Variants in LSAMP observed in about 807,000 individuals in gnomAD.
LSAMP encodes the protein limbic system-associated membrane protein.
In LSAMP, 7 loss-of-function variants were observed where a neutral mutation model predicts 38.6. That is an observed-to-expected ratio of 0.18 (90% confidence interval 0.10 to 0.34). The LOEUF is 0.34. Ranked by LOEUF, LSAMP falls within the 10% of genes least tolerant of loss-of-function variation. The probability of loss-of-function intolerance (pLI) is 1.00; values close to 1 mark genes in which losing one functional copy is unlikely to be tolerated. For synonymous variants in LSAMP, 154 were observed against 166.8 expected (o/e 0.92, Z 0.59); for missense variants, 313 against 420.0 (o/e 0.75, Z 2.23).
intron 1 of LSAMP, among the ~76,000 whole-genome samples, chr3:116,370,355 C>T (rs13324928): frequency 6.6e-6 from 1 of 152,102 alleles, no homozygotes; most frequent in Non-Finnish European, 1.5e-5. Context: ...GAAGGAAGCA[C>T]CAGAAATCTG....
intron 1 of LSAMP, among the ~76,000 whole-genome samples, chr3:116,208,266 A>C (rs1426135532): frequency 6.7e-6 from 1 of 150,350 alleles, no homozygotes; most frequent in African/African-American, 2.4e-5. Flanking sequence ...TCCTTTAAGC[A>C]CTTCTCTGTA....
intron 1 of LSAMP, among the ~76,000 whole-genome samples, chr3:116,321,381 A>G (rs1298316229): frequency 1.3e-5 from 2 of 152,190 alleles, no homozygotes; most frequent in African/African-American, 2.4e-5. Flanking sequence ...TCAAAAAAAC[A>G]AAAACAAAAA....
At chr3:116,397,394 C>G (rs35742381) in intron 1 of LSAMP, among the ~76,000 whole-genome samples, 25 of 137,892 alleles carry the variant, frequency 1.8e-4, no homozygotes, top group African/African-American at 5.2e-4. Context: ...CCGCCCCCCC[C>G]CCACACACAC....
rs190905043 is a variant in LSAMP at position 116,165,182 on chromosome 3, C to G, written c.156-78626G>C. On this transcript the variant is annotated intron_variant, in intron 1 of 6. Coordinates refer to ENST00000490035, the MANE Select transcript of LSAMP (RefSeq NM_002338.5). Reference sequence around the variant, plus strand: ...AAGTCTAGCTTCCTTCACCCTTTGCCTGTGGGCAGGAGTTGATCTCAGATG... The same window carrying G: ...AAGTCTAGCTTCCTTCACCCTTTGCGTGTGGGCAGGAGTTGATCTCAGATG... Among the ~76,000 whole-genome samples the G allele has an allele frequency of 2.0e-4, 31 of 152,332 alleles. No individual in the cohort carries two copies. In the Middle Eastern group the frequency reaches 0.014, roughly 67 times the overall value.
chr3:116,183,500 A>G (rs553826580), intron 1 of LSAMP, among the ~76,000 whole-genome samples: 1 of 151,968 alleles, frequency 6.6e-6, no homozygotes, highest in Admixed American at 6.6e-5. Context: ...TGAAGTAGAT[A>G]GAAATGGGTA....
chr3:116,273,902 T>C (rs1475861387), intron 1 of LSAMP, among the ~76,000 whole-genome samples: 1 of 148,234 alleles, frequency 6.7e-6, no homozygotes, highest in Admixed American at 6.7e-5. Context: ...CTAGCATGCA[T>C]TGGTAAAAGG....
At chr3:116,043,224 C>T (rs918187459) in intron 2 of LSAMP, among the ~76,000 whole-genome samples, 5 of 152,042 alleles carry the variant, frequency 3.3e-5, no homozygotes, top group Non-Finnish European at 5.9e-5. Flanking sequence ...TTATCATATG[C>T]TTTTTTTAAA....
intron 3 of LSAMP, among the ~76,000 whole-genome samples, chr3:115,954,829 T>C (rs1197915114): frequency 2.6e-5 from 4 of 152,226 alleles, no homozygotes; most frequent in African/African-American, 9.6e-5. Context: ...TGTTCCAGAT[T>C]GGCTTCTGTG....
rs11927579 is a variant in LSAMP at position 116,010,107 on chromosome 3, G to A, written c.514+9408C>T. The stretch of plus-strand genomic sequence containing the variant: ...AATTTTTGTACTTTTAGTAGAGATG[G>A]GGTTTCACCATGTTGGCCAGCCTGG... On this transcript the variant is annotated intron_variant, in intron 3 of 6. Coordinates refer to ENST00000490035, the MANE Select transcript of LSAMP (RefSeq NM_002338.5). Among the ~76,000 whole-genome samples, 1,176 of 152,148 alleles carry A rather than the reference G, an allele frequency of 7.7e-3. 13 individuals are homozygous for A. The highest frequency in any genetic ancestry group is 0.027 in the African/African-American group (1,120 of 41,504).
intron 1 of LSAMP, among the ~76,000 whole-genome samples, chr3:116,121,113 C>T (rs1576375880): frequency 6.6e-6 from 1 of 152,162 alleles, no homozygotes; most frequent in African/African-American, 2.4e-5. Flanking sequence ...CATTTGTGTG[C>T]ACTTTTCTCA....
Position 116,293,271 on chromosome 3 carries a change from T to C in LSAMP, c.155+151606A>G, listed in dbSNP as rs1270268885. The stretch of plus-strand genomic sequence containing the variant: ...GATGTATCTGATATCCATATAAGGA[T>C]ATCCCTTCATTTTAAATTCTAATGG... On this transcript the variant is annotated intron_variant, in intron 1 of 6. Coordinates refer to ENST00000490035, the MANE Select transcript of LSAMP (RefSeq NM_002338.5). 2.0e-5 allele frequency among the ~76,000 whole-genome samples: 3 copies of C among 152,244 alleles called. No homozygotes were observed. The South Asian group carries it at 6.2e-4, about 31-fold the overall frequency.
intron 1 of LSAMP, among the ~76,000 whole-genome samples, chr3:116,181,716 TAGAC>T (rs1361512330): frequency 6.6e-6 from 1 of 152,002 alleles, no homozygotes; most frequent in Non-Finnish European, 1.5e-5. Flanking sequence ...TATCCTAAGA[TAGAC>T]AGCCATTATC....
intron 1 of LSAMP, among the ~76,000 whole-genome samples, chr3:116,228,034 G>T (rs773806775): frequency 2.0e-5 from 3 of 152,048 alleles, no homozygotes; most frequent in Non-Finnish European, 2.9e-5. Context: ...AGCCTGGCCC[G>T]AAACAGAAGA....
intron 6 of LSAMP, among the ~76,000 whole-genome samples, chr3:115,821,863 G>T (rs1934251034): frequency 6.6e-6 from 1 of 152,172 alleles, no homozygotes; most frequent in South Asian, 2.1e-4. Flanking sequence ...CATAACATTT[G>T]TAAGATTCTG....
intron 1 of LSAMP, among the ~76,000 whole-genome samples, chr3:116,168,092 T>A (rs527749487): frequency 1.3e-5 from 2 of 151,742 alleles, no homozygotes; most frequent in East Asian, 3.9e-4. Context: ...TTTTAAAAAA[T>A]ATTTCAAGAT....
chr3:116,334,270 A>G (rs968755544), intron 1 of LSAMP, among the ~76,000 whole-genome samples: 1 of 152,124 alleles, frequency 6.6e-6, no homozygotes, highest in South Asian at 2.1e-4. Context: ...TCTAAGAAAT[A>G]AAAACCCTGA....
intron 2 of LSAMP, among the ~76,000 whole-genome samples, chr3:116,044,035 C>T (rs1941238613): frequency 6.6e-6 from 1 of 152,158 alleles, no homozygotes. Context: ...CTCCATGAGC[C>T]CTCTTTACCA....
At position 116,019,645 on chromosome 3, in the gene LSAMP, G is replaced by T; in HGVS notation, c.389-5C>A. 6.2e-7 allele frequency: 1 copy of T among 1,610,526 alleles called. No homozygotes were observed. The highest frequency in any genetic ancestry group is 1.1e-5 in the South Asian group (1 of 90,898). ...TATTGGAGATCTTTGGTGGGACTGT[G>T]AAAACAAAAGGAAATGGAATATGTA... On this transcript the variant is annotated splice_polypyrimidine_tract_variant and splice_region_variant and intron_variant, in intron 2 of 6. Coordinates refer to ENST00000490035, the MANE Select transcript of LSAMP (RefSeq NM_002338.5).
At chr3:115,925,824 A>C (rs1937485677) in intron 3 of LSAMP, among the ~76,000 whole-genome samples, 1 of 152,208 alleles carries the variant, frequency 6.6e-6, no homozygotes, top group Non-Finnish European at 1.5e-5. Flanking sequence ...ATATGTTGAC[A>C]TGCCTAGTGC....
Sources: allele counts gnomAD v4.1 joint callset (sites outside exome capture counted in the v4.1 genomes callset), GRCh38; gene constraint gnomAD v4.1.1; transcripts MANE v1.5; gene names NCBI Gene and HGNC (gene_info 2026-07-23, HGNC 2026-07-21).